Variants in ANXA10 observed in about 807,000 individuals in gnomAD.
The protein encoded by ANXA10 is annexin A10.
In ANXA10, 49 loss-of-function variants were observed where a neutral mutation model predicts 53.5. The observed-to-expected ratio is 0.92, with a 90% CI of 0.73 to 1.16. The LOEUF is 1.16. Ranked by LOEUF, ANXA10 falls within the 50% of genes most tolerant of loss-of-function variation. The pLI, the probability that ANXA10 is intolerant of heterozygous loss-of-function variation, is 0.00. For synonymous variants in ANXA10, 131 were observed against 128.9 expected (o/e 1.02, Z -0.11); for missense variants, 393 against 394.4 (o/e 1.00, Z 0.03).
chr4:168,108,684 A>G (rs1730755510), intron 1 of ANXA10, among the ~76,000 whole-genome samples: 1 of 152,168 alleles, frequency 6.6e-6, no homozygotes, highest in African/African-American at 2.4e-5. Flanking sequence ...TGGGAGCGCA[A>G]CAAATTATTG....
intron 3 of ANXA10, among the ~76,000 whole-genome samples, chr4:168,150,840 G>T (rs2149474135): frequency 6.6e-6 from 1 of 152,286 alleles, no homozygotes; most frequent in African/African-American, 2.4e-5. Context: ...AGGAAAGAAT[G>T]CTGGCTGGTT....
At chr4:168,109,689 C>T (rs1456251331) in intron 1 of ANXA10, among the ~76,000 whole-genome samples, 1 of 152,160 alleles carries the variant, frequency 6.6e-6, no homozygotes, top group Non-Finnish European at 1.5e-5. Flanking sequence ...AAAATAACTG[C>T]AGACTCCTTA....
intron 1 of ANXA10, among the ~76,000 whole-genome samples, chr4:168,094,525 G>T (rs1730512536): frequency 6.6e-6 from 1 of 152,138 alleles, no homozygotes; most frequent in Admixed American, 6.5e-5. Flanking sequence ...TCAAGCAAGA[G>T]ACTGGCTCTT....
At chr4:168,172,435 G>A (rs1233375677) in intron 6 of ANXA10, among the ~76,000 whole-genome samples, 2 of 152,238 alleles carry the variant, frequency 1.3e-5, no homozygotes, top group African/African-American at 4.8e-5. Flanking sequence ...TATAGAAGCT[G>A]AAGATCACTA....
intron 3 of ANXA10, among the ~76,000 whole-genome samples, chr4:168,150,581 A>C (rs539646911): frequency 6.6e-6 from 1 of 152,218 alleles, no homozygotes; most frequent in Non-Finnish European, 1.5e-5. Flanking sequence ...AAATTTATGC[A>C]GAACAGGGTG....
intron 3 of ANXA10, among the ~76,000 whole-genome samples, chr4:168,142,779 T>C (rs1208745728): frequency 6.6e-6 from 1 of 152,212 alleles, no homozygotes; most frequent in Non-Finnish European, 1.5e-5. Context: ...AGGCTTTGAC[T>C]GCTCCTGTAA....
At chr4:168,160,044 A>G (rs1731754000) in intron 3 of ANXA10, among the ~76,000 whole-genome samples, 1 of 152,092 alleles carries the variant, frequency 6.6e-6, no homozygotes, top group African/African-American at 2.4e-5. Context: ...GAGTATATAT[A>G]TATTTTTTCC....
intron 7 of ANXA10, 43 bp from the exon 8 acceptor site, chr4:168,177,847 T>C: frequency 6.2e-7 from 1 of 1,614,012 alleles, no homozygotes; most frequent in Non-Finnish European, 8.5e-7. Context: ...TAAAATGGGC[T>C]GGAGTGGTTC....
chr4:168,158,787 C>T (rs1459910160), intron 3 of ANXA10, among the ~76,000 whole-genome samples: 1 of 152,152 alleles, frequency 6.6e-6, no homozygotes, highest in Non-Finnish European at 1.5e-5. Flanking sequence ...GCTTTTGCTA[C>T]ATTAGTTGGT....
intron 6 of ANXA10, among the ~76,000 whole-genome samples, chr4:168,177,142 T>G (rs1466332686): frequency 6.6e-6 from 1 of 152,278 alleles, no homozygotes; most frequent in Non-Finnish European, 1.5e-5. Flanking sequence ...CCCTACCTCC[T>G]TCTCCCCACT....
intron 3 of ANXA10, among the ~76,000 whole-genome samples, chr4:168,140,774 ACGC>A (rs139019641): frequency 7.4e-4 from 112 of 152,130 alleles, no homozygotes; most frequent in African/African-American, 2.6e-3. Flanking sequence ...GTGCGTCACC[ACGC>A]CCAGCTAATT....
chr4:168,130,946 G>A (rs907151488), intron 2 of ANXA10, among the ~76,000 whole-genome samples: 27 of 151,490 alleles, frequency 1.8e-4, no homozygotes, highest in Non-Finnish European at 3.5e-4. Context: ...AAAAAAACCA[G>A]CTTTTGGTGC....
At chr4:168,140,884 T>TG (rs1291742494) in intron 3 of ANXA10, among the ~76,000 whole-genome samples, 1 of 152,212 alleles carries the variant, frequency 6.6e-6, no homozygotes, top group East Asian at 1.9e-4. Flanking sequence ...CCTCCCAAAG[T>TG]GTTGGGATTA....
At position 168,178,532 on chromosome 4, in the gene ANXA10, C is replaced by T. The variant is rs142145850; in HGVS notation, c.628+549C>T. On this transcript the variant is annotated intron_variant, in intron 8 of 11. Transcript: ENST00000359299. ...TGAAAATTTTCAACAGATGGCCTACCCTACCCCAATCCCACATCTAGACTT... is the reference window on the plus strand; with the variant it reads ...TGAAAATTTTCAACAGATGGCCTACTCTACCCCAATCCCACATCTAGACTT... 9.3e-3 allele frequency among the ~76,000 whole-genome samples: 1,412 copies of T among 151,920 alleles called. 16 individuals carry two copies. Among genetic ancestry groups the T allele is most frequent in the Middle Eastern group, 0.02 (6 of 294 alleles).
intron 2 of ANXA10, among the ~76,000 whole-genome samples, chr4:168,131,026 A>C (rs1001393881): frequency 5.3e-4 from 80 of 151,646 alleles, no homozygotes; most frequent in African/African-American, 1.9e-3. Flanking sequence ...CTTTTCTTCT[A>C]TTTATGTTAG....
intron 11 of ANXA10, 60 bp from the exon 12 acceptor site, chr4:168,187,306 G>T: frequency 1.5e-5 from 17 of 1,143,972 alleles, no homozygotes; most frequent in Non-Finnish European, 2.1e-5. Context: ...GAGGAATTAT[G>T]CTTCCTTTTT....
At chr4:168,181,568 C>T (rs1485064480) in intron 9 of ANXA10, 115 bp from the exon 10 acceptor site, 1 of 839,948 alleles carries the variant, frequency 1.2e-6, no homozygotes, top group Admixed American at 2.0e-5. Flanking sequence ...TAAGTGTTGA[C>T]CTTACAATAC....
chr4:168,181,334 T>G (rs998530607), intron 9 of ANXA10, among the ~76,000 whole-genome samples: 3 of 143,802 alleles, frequency 2.1e-5, no homozygotes, highest in African/African-American at 7.9e-5. Context: ...GAGCTTGCAG[T>G]GAGCCGAGAT....
chr4:168,178,056 C>T, intron 8 of ANXA10, 73 bp downstream of exon 8: 2 of 1,373,552 alleles, frequency 1.5e-6, no homozygotes, highest in Non-Finnish European at 1.0e-6. Flanking sequence ...TAACTAGAAA[C>T]AAAAATGAAA....
Sources: gnomAD v4.1 joint callset for allele counts (sites outside exome capture counted in the v4.1 genomes callset) on GRCh38, gnomAD v4.1.1 for gene constraint, MANE v1.5 for transcripts, NCBI Gene and HGNC (gene_info 2026-07-23, HGNC 2026-07-21) for gene names.